Variants in SLC29A2 observed in about 807,000 individuals in gnomAD.
SLC29A2 encodes the protein solute carrier family 29 member 2.
A neutral mutation model predicts 48.8 loss-of-function variants in SLC29A2; 37 were observed. The ratio of observed to expected loss-of-function variants is 0.76; its 90% CI spans 0.58 to 1.00. The LOEUF (loss-of-function observed/expected upper bound fraction) is 1.00, where lower values mean the gene tolerates loss of function less well. SLC29A2 is among the 50% of genes least tolerant of loss of function. The pLI, the probability that SLC29A2 is intolerant of heterozygous loss-of-function variation, is 0.00. For missense variants in SLC29A2, 533 were observed against 578.6 expected (o/e 0.92, Z 0.81); for synonymous variants, 233 against 261.7 (o/e 0.89, Z 1.06).
intron 2 of SLC29A2, among the ~76,000 whole-genome samples, chr11:66,370,560 A>G (rs1466648688): frequency 6.6e-6 from 1 of 152,182 alleles, no homozygotes; most frequent in Non-Finnish European, 1.5e-5. Context: ...ATGCACATTA[A>G]AAGTTTGTTG....
Position 66,366,924 on chromosome 11 carries a change from CAG to C in SLC29A2, c.734-362_734-361del, listed in dbSNP as rs1048384107. Among the ~76,000 whole-genome samples the C allele has an allele frequency of 7.2e-5, 11 of 152,250 alleles. No homozygotes were observed. In the East Asian group the frequency reaches 1.7e-3, roughly 24 times the overall value. Reference sequence around the variant, plus strand: ...TAGCACTGCAGTGCAGCCTAGGTGACAGAGTGAGATCCTGACTCAAAATAACA... The same window carrying C: ...TAGCACTGCAGTGCAGCCTAGGTGACAGTGAGATCCTGACTCAAAATAACA... On this transcript the variant is annotated intron_variant, in intron 7 of 11. Coordinates refer to ENST00000357440, the MANE Select transcript of SLC29A2 (RefSeq NM_001532.3).
Position 66,364,388 on chromosome 11 carries a change from A to C in SLC29A2, c.1096T>G (p.Cys366Gly), listed in dbSNP as rs1855546612. 1 of 1,613,740 alleles carries C rather than the reference A, an allele frequency of 6.2e-7. No individual in the cohort carries two copies. The highest frequency in any genetic ancestry group is 8.5e-7 in the Non-Finnish European group (1 of 1,179,954). ...EDSRLLPLLV[C>G]LRFLFVPLFM... ...AGGGGCACGAACAGGAACCGCAGGC[A>C]GACCAGCAGGGGCAGCAGCCGGCTG... Residue 366 changes from cysteine (C) to glycine (G), a missense_variant, in exon 11 of 12, where the codon TGC (cysteine) becomes GGC (glycine). Transcript: ENST00000357440.
intron 1 of SLC29A2, 112 bp downstream of exon 1, chr11:66,371,451 G>C: frequency 6.7e-7 from 1 of 1,499,682 alleles, no homozygotes; most frequent in Non-Finnish European, 9.1e-7. Flanking sequence ...GGCCGAGGGA[G>C]TCGGCTGATG....
At position 66,364,592 on chromosome 11, in the gene SLC29A2, C is replaced by A. The variant is rs193128003; in HGVS notation, c.1060-168G>T. ...TGATCTCAGCTCACTGCAACCTCCA[C>A]CTCCTGGGTTCAAGAAATCCTCCTG... On this transcript the variant is annotated intron_variant, in intron 10 of 11. Coordinates refer to ENST00000357440, the MANE Select transcript of SLC29A2 (RefSeq NM_001532.3). 27 of 586,732 alleles carry A rather than the reference C, an allele frequency of 4.6e-5. No individual in the cohort carries two copies. The East Asian group carries it at 7.8e-4, about 17-fold the overall frequency. 36.3% of individuals were successfully genotyped at this position (586,732 alleles called of 1,614,324 possible).
rs1180927593 is a variant in SLC29A2 at position 66,364,313 on chromosome 11, G to A, written c.1171C>T (p.Pro391Ser). The A allele has an allele frequency of 6.2e-7, 1 of 1,613,832 alleles. No homozygotes were observed. Among genetic ancestry groups the A allele is most frequent in the South Asian group, 1.1e-5 (1 of 91,064 alleles). The stretch of plus-strand genomic sequence containing the variant: ...AAGGTGATGAAGTAGGCATCCTGTG[G>A]GAAGAGGATGGGCAGCCGGGACCTC... ...PQRSRLPILFPQDAYFITFML... is the reference protein window; with the variant it reads ...PQRSRLPILFSQDAYFITFML... Residue 391 changes from proline to serine, a missense_variant, in exon 11 of 12, where the codon CCA (proline) becomes TCA (serine). Pro to Ser is a moderately conservative substitution (Grantham distance 74). Transcript: ENST00000357440.
chr11:66,369,081 C>T lies in SLC29A2; in HGVS notation c.394G>A (p.Ala132Thr), dbSNP rs193245057. The change falls in exon 4 of 12, where the codon GCC becomes ACC. Residue 132 changes from alanine (A) to threonine (T), a missense_variant. Coordinates refer to ENST00000357440, the MANE Select transcript of SLC29A2 (RefSeq NM_001532.3). ...SPGPFFSITMASVCFINSFSA... is the reference protein window; with the variant it reads ...SPGPFFSITMTSVCFINSFSA... The stretch of plus-strand genomic sequence containing the variant: ...TCACAGTTGATGAAGCAGACGGAGG[C>T]CATGGTGATGGAGAAGAAGGGTCCG... The T allele has an allele frequency of 2.7e-5, 43 of 1,600,490 alleles. No individual in the cohort carries two copies. The East Asian group carries it at 7.0e-4, about 26-fold the overall frequency.
chr11:66,365,434 G>A (rs543685492), intron 10 of SLC29A2, among the ~76,000 whole-genome samples: 72 of 152,332 alleles, frequency 4.7e-4, no homozygotes, highest in African/African-American at 1.5e-3. Context: ...TACAGTTTAC[G>A]TACTCGGTTC....
intron 4 of SLC29A2, 34 bp downstream of exon 4, chr11:66,369,026 A>G: frequency 2.5e-6 from 4 of 1,586,914 alleles, no homozygotes; most frequent in Non-Finnish European, 3.4e-6. Flanking sequence ...GAAGCCCTGC[A>G]TAGGCTGGCT....
chr11:66,371,540 G>C (rs148345402), intron 1 of SLC29A2, 23 bp downstream of exon 1: 1 of 1,550,142 alleles, frequency 6.5e-7, no homozygotes. Flanking sequence ...CCGGCCACTT[G>C]CAACGCACCC....
intron 4 of SLC29A2, 109 bp downstream of exon 4, chr11:66,368,951 G>T: frequency 7.1e-7 from 1 of 1,401,030 alleles, no homozygotes; most frequent in Non-Finnish European, 9.9e-7. Context: ...CCAGGGATAT[G>T]AGCGACCATG....
At chr11:66,370,445 A>T (rs1189803840) in intron 2 of SLC29A2, among the ~76,000 whole-genome samples, 2 of 152,216 alleles carry the variant, frequency 1.3e-5, no homozygotes, top group East Asian at 3.8e-4. Flanking sequence ...GTGAATACAG[A>T]TGAATAACCC....
rs765737939 is a variant in SLC29A2 at position 66,371,587 on chromosome 11, G to A, written c.5C>T (p.Ala2Val). ...CCTGTCCCGCGGGGCGTCTCCTCGC[G>A]CCATGGCCGCCGCGGCGGATGCGCC... MARGDAPRDSYH... is the reference protein window; with the variant it reads MVRGDAPRDSYH... Residue 2 changes from alanine (A) to valine (V), a missense_variant, in exon 1 of 12, where the codon GCG (alanine) becomes GTG (valine). Coordinates refer to ENST00000357440, the MANE Select transcript of SLC29A2 (RefSeq NM_001532.3). The A allele has an allele frequency of 5.8e-6, 9 of 1,548,794 alleles. No homozygotes were observed. Among genetic ancestry groups the A allele is most frequent in the Non-Finnish European group, 7.0e-6 (8 of 1,149,532 alleles).
Position 66,367,422 on chromosome 11 carries a change from C to A in SLC29A2, c.733+42G>T, listed in dbSNP as rs528806163. The A allele has an allele frequency of 1.5e-5, 23 of 1,556,854 alleles. No individual in the cohort carries two copies. In the South Asian group the frequency reaches 2.4e-4, roughly 17 times the overall value. On this transcript the variant is annotated intron_variant, in intron 7 of 11. Transcript: ENST00000357440. ...TTCCCAGGGGAGGTGGCTCTAGCTT[C>A]CTCTGCATCTCCCACCTCCCCAGGA... is the stretch of plus-strand genomic sequence containing the variant.
At position 66,371,679 on chromosome 11, in the gene SLC29A2, G is replaced by A; in HGVS notation, c.-88C>T. On this transcript the variant is annotated 5_prime_UTR_variant, in exon 1 of 12. Transcript: ENST00000357440. Reference sequence around the variant, plus strand: ...GGGGCGGAGGGCCGCAGACCGGTGGGGCGGGGGGCGGGTCTCCCCAGATTC... The same window carrying A: ...GGGGCGGAGGGCCGCAGACCGGTGGAGCGGGGGGCGGGTCTCCCCAGATTC... 7.5e-7 allele frequency: 1 copy of A among 1,339,564 alleles called. No individual in the cohort carries two copies. The highest frequency in any genetic ancestry group is 1.3e-5 in the South Asian group (1 of 76,090). 83.0% of individuals were successfully genotyped at this position (1,339,564 alleles called of 1,614,324 possible). A position where few individuals can be genotyped will look rare whatever the true frequency, so the allele number is the denominator to read the frequency against.
chr11:66,367,679 C>T (rs1590656250), intron 6 of SLC29A2, 93 bp downstream of exon 6: 2 of 1,475,688 alleles, frequency 1.4e-6, no homozygotes, highest in East Asian at 2.3e-5. Context: ...GACCAGGTCT[C>T]CTCCACCTCC....
At chr11:66,370,153 C>T (rs1002938667) in intron 2 of SLC29A2, among the ~76,000 whole-genome samples, 25 of 152,228 alleles carry the variant, frequency 1.6e-4, no homozygotes, top group Admixed American at 1.2e-3. Flanking sequence ...GCATGGCTGT[C>T]GCCTCGGCCT....
chr11:66,367,734 G>C (rs1565220172), intron 6 of SLC29A2, 38 bp downstream of exon 6: 1 of 1,579,460 alleles, frequency 6.3e-7, no homozygotes. Context: ...TATCCAAGAT[G>C]CTTTGAGGTG....
chr11:66,366,245 G>A lies in SLC29A2; in HGVS notation c.868-14C>T. On this transcript the variant is annotated splice_polypyrimidine_tract_variant and intron_variant, in intron 8 of 11. Transcript: ENST00000357440. Reference sequence around the variant, plus strand: ...TGTCAGCCAGATCTGGGAGCCAGAGGCAGGGGTGTGAGCAGGCAGGGCAGT... The same window carrying A: ...TGTCAGCCAGATCTGGGAGCCAGAGACAGGGGTGTGAGCAGGCAGGGCAGT... 6.2e-7 allele frequency: 1 copy of A among 1,611,452 alleles called. No individual in the cohort carries two copies. The highest frequency in any genetic ancestry group is 8.5e-7 in the Non-Finnish European group (1 of 1,177,630).
In SLC29A2 at chr11:66,363,446, G is replaced by A. The variant is rs140572979; in HGVS notation, c.1361C>T (p.Ala454Val). 1.6e-4 allele frequency: 251 copies of A among 1,612,956 alleles called. No homozygotes were observed. Among genetic ancestry groups the A allele is most frequent in the Admixed American group, 3.3e-4 (20 of 60,002 alleles). ...CCTGGAGGGGCCACTTCAGAGCAGC[G>A]CCTTGAAGAGGAAGGAGAGGGAGGC... Reference protein sequence around the residue: ...CGASLSFLFKALL With the variant: ...CGASLSFLFKVLL Residue 454 changes from alanine (A) to valine (V), a missense_variant, in exon 12 of 12, where the codon GCG becomes GTG. Coordinates refer to ENST00000357440, the MANE Select transcript of SLC29A2 (RefSeq NM_001532.3).
Sources: allele counts gnomAD v4.1 joint callset (sites outside exome capture counted in the v4.1 genomes callset), GRCh38; gene constraint gnomAD v4.1.1; transcripts MANE v1.5; gene names NCBI Gene and HGNC (gene_info 2026-07-23, HGNC 2026-07-21).